Variants in FBXL7 observed in about 807,000 individuals in gnomAD.
FBXL7 encodes F-box and leucine rich repeat protein 7, also known as F-box/LRR-repeat protein 7.
Under a neutral mutation model 38.3 loss-of-function variants are expected in FBXL7, and 12 were observed. The ratio of observed to expected loss-of-function variants is 0.31; its 90% CI spans 0.20 to 0.51. The LOEUF is 0.51. Among genes scored for constraint, FBXL7 ranks in the 20% least tolerant of loss-of-function variants. The pLI is 0.98. For synonymous variants in FBXL7, 297 were observed against 300.9 expected (o/e 0.99, Z 0.13); for missense variants, 567 against 676.4 (o/e 0.84, Z 1.79).
In FBXL7 at chr5:15,913,263, T is replaced by C. The variant is rs577964998; in HGVS notation, c.128-14627T>C. On this transcript the variant is annotated intron_variant, in intron 2 of 3. Coordinates refer to ENST00000504595, the MANE Select transcript of FBXL7 (RefSeq NM_012304.5). ...TTCTTTTTTTTTTTAATGTTTTTTTTTATTAATTTTTTTTTTTATTATACT... is the reference window on the plus strand; with the variant it reads ...TTCTTTTTTTTTTTAATGTTTTTTTCTATTAATTTTTTTTTTTATTATACT... 9.1e-3 allele frequency among the ~76,000 whole-genome samples: 808 copies of C among 88,864 alleles called. 4 individuals are homozygous for C. Among genetic ancestry groups the C allele is most frequent in the African/African-American group, 0.026 (764 of 29,886 alleles). The allele number at this position is 88,864 out of a possible 152,430, so 58.3% of individuals were successfully genotyped here.
intron 1 of FBXL7, among the ~76,000 whole-genome samples, chr5:15,526,234 G>A (rs1396352499): frequency 6.6e-6 from 1 of 152,056 alleles, no homozygotes; most frequent in African/African-American, 2.4e-5. Context: ...CTGGGTGGGG[G>A]TAAGTTCCAA....
intron 2 of FBXL7, among the ~76,000 whole-genome samples, chr5:15,788,891 G>A (rs1393370381): frequency 6.7e-6 from 1 of 148,366 alleles, no homozygotes; most frequent in African/African-American, 2.5e-5. Context: ...TTGCTCTGTC[G>A]CCCAGCTGGA....
intron 2 of FBXL7, among the ~76,000 whole-genome samples, chr5:15,882,939 T>C (rs1474382002): frequency 6.9e-6 from 1 of 145,682 alleles, no homozygotes; most frequent in Non-Finnish European, 1.5e-5. Context: ...ATTAAATGTA[T>C]TTTCTGATAT....
intron 2 of FBXL7, among the ~76,000 whole-genome samples, chr5:15,838,546 T>A (rs1738652240): frequency 6.6e-6 from 1 of 152,186 alleles, no homozygotes; most frequent in South Asian, 2.1e-4. Context: ...ACATTAGGGA[T>A]TTAGATAAGC....
chr5:15,562,452 A>G (rs1036270052), intron 1 of FBXL7, among the ~76,000 whole-genome samples: 12 of 152,180 alleles, frequency 7.9e-5, no homozygotes, highest in Non-Finnish European at 1.5e-5. Flanking sequence ...CAAGTGACCT[A>G]AACAAACATT....
At position 15,670,599 on chromosome 5, in the gene FBXL7, G is replaced by A. The variant is rs777833502; in HGVS notation, c.127+54527G>A. Among the ~76,000 whole-genome samples the A allele has an allele frequency of 3.9e-5, 6 of 152,102 alleles. No homozygotes were observed. In the East Asian group the frequency reaches 5.8e-4, roughly 15 times the overall value. Reference sequence around the variant, plus strand: ...GTGAATCATCTGAGGTCAGGAGTTCGAGACCAGCCTGGCCAACATGGTGAA... The same window carrying A: ...GTGAATCATCTGAGGTCAGGAGTTCAAGACCAGCCTGGCCAACATGGTGAA... On this transcript the variant is annotated intron_variant, in intron 2 of 3. Transcript: ENST00000504595.
At chr5:15,658,542 T>TG (rs1741953817) in intron 2 of FBXL7, among the ~76,000 whole-genome samples, 1 of 152,264 alleles carries the variant, frequency 6.6e-6, no homozygotes, top group South Asian at 2.1e-4. Flanking sequence ...CCTCAGACAC[T>TG]GAGTTGTAGA....
intron 2 of FBXL7, among the ~76,000 whole-genome samples, chr5:15,889,139 G>A (rs1459420767): frequency 6.6e-6 from 1 of 152,100 alleles, no homozygotes; most frequent in Non-Finnish European, 1.5e-5. Context: ...GACAAGGAAT[G>A]GTATAATCCA....
At chr5:15,882,911 T>C (rs1740518000) in intron 2 of FBXL7, among the ~76,000 whole-genome samples, 1 of 152,106 alleles carries the variant, frequency 6.6e-6, no homozygotes, top group Non-Finnish European at 1.5e-5. Context: ...GAGTATTTTT[T>C]CATTGCAGGG....
chr5:15,857,449 C>T (rs1456804759), intron 2 of FBXL7, among the ~76,000 whole-genome samples: 1 of 152,164 alleles, frequency 6.6e-6, no homozygotes, highest in Non-Finnish European at 1.5e-5. Flanking sequence ...TCCTGAGAGG[C>T]TGAGCCACCA....
chr5:15,682,594 T>G (rs911279120), intron 2 of FBXL7, among the ~76,000 whole-genome samples: 1 of 152,250 alleles, frequency 6.6e-6, no homozygotes. Context: ...ATTACTTGCT[T>G]AATACTTTAT....
At chr5:15,870,510 G>A (rs555792018) in intron 2 of FBXL7, among the ~76,000 whole-genome samples, 3 of 152,150 alleles carry the variant, frequency 2.0e-5, no homozygotes, top group African/African-American at 7.2e-5. Flanking sequence ...AAAGATTAAG[G>A]GTTTTTTGGA....
At chr5:15,607,744 A>G (rs574511451) in intron 1 of FBXL7, among the ~76,000 whole-genome samples, 2 of 152,342 alleles carry the variant, frequency 1.3e-5, no homozygotes, top group African/African-American at 4.8e-5. Context: ...TTATCGATCC[A>G]CTAACTGATT....
intron 2 of FBXL7, among the ~76,000 whole-genome samples, chr5:15,646,000 G>A (rs1353770387): frequency 6.6e-6 from 1 of 152,168 alleles, no homozygotes; most frequent in Non-Finnish European, 1.5e-5. Flanking sequence ...GAGGTTTAAT[G>A]TGGGTGGGTA....
intron 2 of FBXL7, among the ~76,000 whole-genome samples, chr5:15,781,990 C>T (rs1737006220): frequency 6.6e-6 from 1 of 152,082 alleles, no homozygotes; most frequent in Non-Finnish European, 1.5e-5. Context: ...TGCCACCCAC[C>T]CACTGACAGG....
chr5:15,590,828 A>G (rs1739451055), intron 1 of FBXL7, among the ~76,000 whole-genome samples: 1 of 152,216 alleles, frequency 6.6e-6, no homozygotes, highest in Non-Finnish European at 1.5e-5. Context: ...AGCAGGAACT[A>G]GATCAATATA....
intron 2 of FBXL7, among the ~76,000 whole-genome samples, chr5:15,682,397 G>T (rs548599242): frequency 2.0e-5 from 3 of 152,110 alleles, no homozygotes; most frequent in Admixed American, 6.6e-5. Context: ...AGGAAAACAG[G>T]TTGGGTGAAC....
At chr5:15,867,889 A>G (rs1024101445) in intron 2 of FBXL7, among the ~76,000 whole-genome samples, 1 of 152,118 alleles carries the variant, frequency 6.6e-6, no homozygotes, top group African/African-American at 2.4e-5. Context: ...GCGGATCACA[A>G]GGTCAAGAGA....
chr5:15,766,377 A>G (rs1409959952), intron 2 of FBXL7, among the ~76,000 whole-genome samples: 2 of 152,200 alleles, frequency 1.3e-5, no homozygotes, highest in African/African-American at 2.4e-5. Flanking sequence ...AACTAGGAGT[A>G]TGTCTTAATT....
Sources: gnomAD v4.1 joint callset for allele counts (sites outside exome capture counted in the v4.1 genomes callset) on GRCh38, gnomAD v4.1.1 for gene constraint, MANE v1.5 for transcripts, NCBI Gene and HGNC (gene_info 2026-07-23, HGNC 2026-07-21) for gene names.